Variants in DBR1 observed in about 807,000 individuals in gnomAD.
DBR1 encodes the protein lariat debranching enzyme.
DBR1 carries 33 observed loss-of-function variants against 45.9 expected under a neutral mutation model. The ratio of observed to expected loss-of-function variants is 0.72; its 90% CI spans 0.55 to 0.96. The LOEUF is 0.96. DBR1 is among the 40% of genes least tolerant of loss of function. The probability of loss-of-function intolerance (pLI) is 0.00; values close to 1 mark genes in which losing one functional copy is unlikely to be tolerated. For missense variants in DBR1, 619 were observed against 667.4 expected, an observed-to-expected ratio of 0.93 and a Z score of 0.80; for synonymous variants, 235 against 235.9, an observed-to-expected ratio of 1.00 and a Z score of 0.04.
At chr3:138,174,519 A>T in intron 1 of DBR1, 80 bp downstream of exon 1, 2 of 1,400,690 alleles carry the variant, frequency 1.4e-6, no homozygotes, top group South Asian at 1.3e-5. Flanking sequence ...GACAGGATCT[A>T]AGGGAAACAG....
At chr3:138,170,573 A>C (rs1248372243) in intron 3 of DBR1, among the ~76,000 whole-genome samples, 1 of 152,232 alleles carries the variant, frequency 6.6e-6, no homozygotes, top group African/African-American at 2.4e-5. Flanking sequence ...AAACCTGATA[A>C]ACAGCTTCCC....
intron 2 of DBR1, 115 bp downstream of exon 2, chr3:138,173,387 A>T: frequency 1.9e-6 from 2 of 1,055,442 alleles, no homozygotes; most frequent in Non-Finnish European, 2.7e-6. Flanking sequence ...TTAAGTATTT[A>T]AATTAATGAC....
At chr3:138,167,344 A>C (rs774028953) in intron 4 of DBR1, 39 bp from the exon 5 acceptor site, 3 of 1,435,124 alleles carry the variant, frequency 2.1e-6, no homozygotes, top group Non-Finnish European at 2.9e-6. Flanking sequence ...AAAACTCTTA[A>C]AACAGATTAA....
chr3:138,163,041 T>C (rs1288322240), intron 7 of DBR1, among the ~76,000 whole-genome samples: 1 of 152,166 alleles, frequency 6.6e-6, no homozygotes, highest in Admixed American at 6.5e-5. Context: ...GTGGATAGCT[T>C]GAGCTCAGGA....
intron 5 of DBR1, 21 bp from the exon 6 acceptor site, chr3:138,163,879 T>C: frequency 6.3e-7 from 1 of 1,578,460 alleles, no homozygotes; most frequent in Non-Finnish European, 8.7e-7. Context: ...TGAATCATGA[T>C]TTAAGAAAGA....
intron 5 of DBR1, among the ~76,000 whole-genome samples, chr3:138,165,240 G>C (rs1268866346): frequency 2.0e-5 from 3 of 152,050 alleles, no homozygotes; most frequent in Admixed American, 2.0e-4. Flanking sequence ...TACAAGTTGA[G>C]TATGCCTTAT....
In DBR1 at chr3:138,173,490, A is replaced by C. The variant is rs2042964360; in HGVS notation, c.322+12T>G. The stretch of plus-strand genomic sequence containing the variant: ...CCAGGAAAAAAAAGTATCCACAAAC[A>C]CAATCACATACCTAAATAATAAATG... On this transcript the variant is annotated intron_variant, in intron 2 of 7. Coordinates refer to ENST00000260803, the MANE Select transcript of DBR1 (RefSeq NM_016216.4). The C allele has an allele frequency of 1.2e-6, 2 of 1,613,278 alleles. No homozygotes were observed. The highest frequency in any genetic ancestry group is 2.2e-5 in the East Asian group (1 of 44,846).
intron 4 of DBR1, among the ~76,000 whole-genome samples, chr3:138,168,002 AT>A (rs2042938350): frequency 6.6e-6 from 1 of 152,138 alleles, no homozygotes; most frequent in Non-Finnish European, 1.5e-5. Context: ...GAGACACTAG[AT>A]TTCACGAGAC....
In DBR1 at chr3:138,169,683, G is replaced by C. The variant is rs1008139779; in HGVS notation, c.489+424C>G. Among the ~76,000 whole-genome samples, 8 of 152,236 alleles carry C rather than the reference G, an allele frequency of 5.3e-5. No homozygotes were observed. The East Asian group carries it at 1.5e-3, about 29-fold the overall frequency. ...ACAGTGGCTCACACCTATAATCCCA[G>C]CACTTTGGGAGGCCAAGGCAGGCGG... On this transcript the variant is annotated intron_variant, in intron 4 of 7. Transcript: ENST00000260803.
intron 4 of DBR1, among the ~76,000 whole-genome samples, chr3:138,167,809 T>C (rs867028368): frequency 3.3e-5 from 5 of 152,018 alleles, no homozygotes; most frequent in Non-Finnish European, 1.5e-5. Flanking sequence ...TAGCTGGACG[T>C]TGTGGCATCT....
Position 138,171,614 on chromosome 3 carries a change from A to G in DBR1, c.403+19T>C. On this transcript the variant is annotated intron_variant, in intron 3 of 7. Transcript: ENST00000260803. ...GGCATGCAAGTTCTAAAGTTTAAAA[A>G]TAATTCTCAAAACAATACCTTTTCG... The G allele has an allele frequency of 6.3e-7, 1 of 1,587,640 alleles. No individual in the cohort carries two copies. Among genetic ancestry groups the G allele is most frequent in the Non-Finnish European group, 8.6e-7 (1 of 1,156,508 alleles).
Position 138,162,496 on chromosome 3 carries a change from A to T in DBR1, c.1028T>A (p.Val343Glu). The T allele has an allele frequency of 6.2e-7, 1 of 1,614,162 alleles. No individual in the cohort carries two copies. The highest frequency in any genetic ancestry group is 8.5e-7 in the Non-Finnish European group (1 of 1,180,000). Residue 343 changes from valine (V) to glutamate (E), a missense_variant, in exon 8 of 8, where the codon GTA (valine) becomes GAA (glutamate). This residue lies in a region of DBR1 where 430 missense variants were observed against 447.7 expected (regional missense o/e 0.96). Coordinates refer to ENST00000260803, the MANE Select transcript of DBR1 (RefSeq NM_016216.4). ...HDLKVPCNFS[V>E]TAACYDPSKP... ...GCTAGGATCATAACAAGCAGCTGTT[A>T]CACTAAAGTTACATGGAACCTTGAG...
At chr3:138,173,940 G>A (rs1395217307) in intron 1 of DBR1, among the ~76,000 whole-genome samples, 1 of 149,864 alleles carries the variant, frequency 6.7e-6, no homozygotes, top group Non-Finnish European at 1.5e-5. Flanking sequence ...AGAATCGCTT[G>A]AACCCAGGAG....
At chr3:138,164,438 G>A (rs2042921229) in intron 5 of DBR1, among the ~76,000 whole-genome samples, 1 of 152,210 alleles carries the variant, frequency 6.6e-6, no homozygotes, top group African/African-American at 2.4e-5. Context: ...CCATTTAAAT[G>A]AATGTTCAGG....
rs562099840 is a variant in DBR1 at position 138,169,433 on chromosome 3, ATTAC to A, written c.489+670_489+673del. ...TCCCATTTCCTCTATCATCTTTACT[ATTAC>A]TTATTTTCTATTTAATACCATTACT... On this transcript the variant is annotated intron_variant, in intron 4 of 7. Coordinates refer to ENST00000260803, the MANE Select transcript of DBR1 (RefSeq NM_016216.4). Among the ~76,000 whole-genome samples the A allele has an allele frequency of 3.5e-4, 53 of 152,306 alleles. 1 individual carries two copies. Among genetic ancestry groups the A allele is most frequent in the African/African-American group, 9.9e-4 (41 of 41,564 alleles).
At position 138,167,287 on chromosome 3, in the gene DBR1, T is replaced by C. The variant is rs1376886561; in HGVS notation, c.508A>G (p.Ile170Val). The change falls in exon 5 of 8, where the codon ATA becomes GTA. Residue 170 changes from isoleucine to valine, a missense_variant. Ile to Val is a conservative substitution (Grantham distance 29). Transcript: ENST00000260803. Reference sequence around the variant, plus strand: ...CTTGGCCAATCATGAGACAAGAATATATCTATAGGCTGCTTCAGCTTTCAA... The same window carrying C: ...CTTGGCCAATCATGAGACAAGAATACATCTATAGGCTGCTTCAGCTTTCAA... ...KLKQLKQPID[I>V]FLSHDWPRSI... The C allele has an allele frequency of 6.2e-7, 1 of 1,607,226 alleles. No homozygotes were observed. Among genetic ancestry groups the C allele is most frequent in the Non-Finnish European group, 8.5e-7 (1 of 1,178,060 alleles).
Position 138,161,892 on chromosome 3 carries a change from A to G in DBR1, c.1632T>C (p.Ala544=). The G allele has an allele frequency of 6.2e-7, 1 of 1,608,110 alleles. No homozygotes were observed. The change falls in exon 8 of 8, where the codon GCT becomes GCC. Residue 544 remains alanine, a synonymous_variant. Coordinates refer to ENST00000260803, the MANE Select transcript of DBR1 (RefSeq NM_016216.4). ...AAVDDDDDDA[A] ...AAAACAAAACAAGTAAATCATCTTA[A>G]GCTGCATCGTCATCATCATCATCCA...
At chr3:138,169,455 C>A (rs1425980029) in intron 4 of DBR1, among the ~76,000 whole-genome samples, 4 of 151,992 alleles carry the variant, frequency 2.6e-5, no homozygotes, top group Non-Finnish European at 1.5e-5. Context: ...CTATTTAATA[C>A]CATTACTTAA....
chr3:138,169,823 C>T (rs2042946419), intron 4 of DBR1, among the ~76,000 whole-genome samples: 1 of 152,044 alleles, frequency 6.6e-6, no homozygotes, highest in Non-Finnish European at 1.5e-5. Context: ...GTTCCAGCTA[C>T]TCAGAAGGTT....
Sources: allele counts gnomAD v4.1 joint callset (sites outside exome capture counted in the v4.1 genomes callset), GRCh38; gene constraint gnomAD v4.1.1; regional missense constraint gnomAD v4.1.1; transcripts MANE v1.5; gene names NCBI Gene and HGNC (gene_info 2026-07-23, HGNC 2026-07-21).